KPNA4: variants seen among roughly 807,000 people sequenced by gnomAD.
KPNA4 encodes the protein importin subunit alpha-3.
A neutral mutation model predicts 71.3 loss-of-function variants in KPNA4; 13 were observed. That is an observed-to-expected ratio of 0.18 (90% CI 0.12 to 0.29). The LOEUF (loss-of-function observed/expected upper bound fraction) is 0.29. Among genes scored for constraint, KPNA4 ranks in the 10% least tolerant of loss-of-function variants. The pLI is 1.00. For missense variants in KPNA4, 334 were observed against 603.2 expected (o/e 0.55, Z 4.67); for synonymous variants, 189 against 195.2 (o/e 0.97, Z 0.26).
chr3:160,531,430 AT>A, intron 6 of KPNA4, 31 bp downstream of exon 6: 2 of 1,186,074 alleles, frequency 1.7e-6, no homozygotes, highest in Non-Finnish European at 2.4e-6. Context: ...TACATTCTAA[AT>A]TAAAAAAAAA....
intron 12 of KPNA4, 35 bp downstream of exon 12, chr3:160,515,417 G>A (rs754867414): frequency 6.6e-7 from 1 of 1,523,884 alleles, no homozygotes. Flanking sequence ...AACATTTTAA[G>A]TGCTATCTAT....
At chr3:160,508,757 A>G (rs1721038300) in intron 14 of KPNA4, among the ~76,000 whole-genome samples, 1 of 151,916 alleles carries the variant, frequency 6.6e-6, no homozygotes, top group Non-Finnish European at 1.5e-5. Flanking sequence ...TGAACCCAAG[A>G]GATCCTCCTG....
chr3:160,563,429 G>A (rs754339456), intron 1 of KPNA4, among the ~76,000 whole-genome samples: 2 of 152,204 alleles, frequency 1.3e-5, no homozygotes, highest in Admixed American at 6.5e-5. Flanking sequence ...TTTTGGGGCC[G>A]TGAAAATGTT....
chr3:160,564,900 C>T (rs1722310299), intron 1 of KPNA4, among the ~76,000 whole-genome samples: 1 of 147,578 alleles, frequency 6.8e-6, no homozygotes, highest in South Asian at 2.1e-4. Flanking sequence ...CACACGCACG[C>T]CTCCTCCGCA....
intron 1 of KPNA4, among the ~76,000 whole-genome samples, chr3:160,559,072 T>C (rs917049625): frequency 6.6e-6 from 1 of 152,206 alleles, no homozygotes; most frequent in African/African-American, 2.4e-5. Context: ...AGTTGTGAAC[T>C]GACCTAGCCA....
intron 7 of KPNA4, among the ~76,000 whole-genome samples, chr3:160,529,032 G>C (rs1447044404): frequency 6.6e-6 from 1 of 152,088 alleles, no homozygotes; most frequent in South Asian, 2.1e-4. Context: ...TGGCTTAAGT[G>C]ATCCTCCTAC....
At chr3:160,510,159 GA>G (rs549693411) in intron 13 of KPNA4, among the ~76,000 whole-genome samples, 3 of 151,854 alleles carry the variant, frequency 2.0e-5, no homozygotes, top group Non-Finnish European at 4.4e-5. Flanking sequence ...AAATAGTAAA[GA>G]AAAAATTTAA....
chr3:160,514,627 A>G (rs1721165136), intron 12 of KPNA4, among the ~76,000 whole-genome samples: 1 of 152,220 alleles, frequency 6.6e-6, no homozygotes, highest in Non-Finnish European at 1.5e-5. Context: ...AAGTAGATAA[A>G]TATCAATTAT....
chr3:160,509,909 CAT>C lies in KPNA4; in HGVS notation c.1138-40_1138-39del, dbSNP rs781106182. 4.4e-6 allele frequency: 6 copies of C among 1,355,574 alleles called. No homozygotes were observed. In the African/African-American group the frequency reaches 8.7e-5, roughly 20 times the overall value. The allele number at this position is 1,355,574 out of a possible 1,614,324, so 84.0% of individuals were successfully genotyped here. A position where few individuals can be genotyped will look rare whatever the true frequency, so the allele number is the denominator to read the frequency against. Reference sequence around the variant, plus strand: ...AAAACAAAGGCTATAAAAATTGCCACATAGAGTAAACTGGAAAAAATGTTTGC... The same window carrying C: ...AAAACAAAGGCTATAAAAATTGCCACAGAGTAAACTGGAAAAAATGTTTGC... On this transcript the variant is annotated intron_variant, in intron 13 of 16. Coordinates refer to ENST00000334256, the MANE Select transcript of KPNA4 (RefSeq NM_002268.5).
At chr3:160,535,728 T>C (rs376071748) in intron 3 of KPNA4, 38 bp from the exon 4 acceptor site, 19 of 1,572,260 alleles carry the variant, frequency 1.2e-5, no homozygotes, top group Admixed American at 2.2e-5. Flanking sequence ...AGTTAAAAAG[T>C]CACCTTAAAA....
chr3:160,522,644 G>C (rs1301900970), intron 10 of KPNA4, among the ~76,000 whole-genome samples: 2 of 152,154 alleles, frequency 1.3e-5, no homozygotes, highest in East Asian at 3.9e-4. Context: ...TTTTTCAGTA[G>C]AGACGGGGTT....
At chr3:160,545,241 G>A (rs76745926) in intron 1 of KPNA4, among the ~76,000 whole-genome samples, 1,579 of 152,240 alleles carry the variant, frequency 0.01, 27 homozygotes, top group Admixed American at 0.013. Context: ...TCATTGAAAG[G>A]TAAATTACTG....
intron 1 of KPNA4, among the ~76,000 whole-genome samples, chr3:160,562,857 A>G (rs1722273511): frequency 6.6e-6 from 1 of 152,242 alleles, no homozygotes; most frequent in African/African-American, 2.4e-5. Flanking sequence ...ACACATCACA[A>G]TATTCTTCTA....
rs200571736 is a variant in KPNA4 at position 160,533,447 on chromosome 3, T to TA, written c.288-1891_288-1890insT. On this transcript the variant is annotated intron_variant, in intron 5 of 16. Coordinates refer to ENST00000334256, the MANE Select transcript of KPNA4 (RefSeq NM_002268.5). ...ACAGTGCTTAGCATTAAGTGGAAAT[T>TA]TAAAAAAAAAAAAAAAACCACTTCG... 2.7e-3 allele frequency among the ~76,000 whole-genome samples: 387 copies of TA among 141,970 alleles called. 1 individual carries two copies. The highest frequency in any genetic ancestry group is 7.0e-3 in the Middle Eastern group (2 of 286). The allele number at this position is 141,970 out of a possible 152,430, so 93.1% of individuals were successfully genotyped here.
Position 160,501,322 on chromosome 3 carries a change from T to TG in KPNA4, c.*781dup, listed in dbSNP as rs1720876097. On this transcript the variant is annotated 3_prime_UTR_variant, in exon 17 of 17. Transcript: ENST00000334256. ...AAGCAAAAAAGAAAAAAAAAAGGAT[T>TG]GGGTGGGGGGAAGGAGGTGGGAAAG... 7.5e-6 allele frequency: 1 copy of TG among 134,164 alleles called. No individual in the cohort carries two copies. Among genetic ancestry groups the TG allele is most frequent in the Non-Finnish European group, 1.6e-5 (1 of 62,128 alleles). 8.3% of individuals were successfully genotyped at this position (134,164 alleles called of 1,614,324 possible). A position where few individuals can be genotyped will look rare whatever the true frequency, so the allele number is the denominator to read the frequency against.
At chr3:160,543,753 A>G (rs1290011029) in intron 1 of KPNA4, among the ~76,000 whole-genome samples, 1 of 152,194 alleles carries the variant, frequency 6.6e-6, no homozygotes, top group African/African-American at 2.4e-5. Flanking sequence ...AAAATTATAA[A>G]CAAGAGCTAT....
chr3:160,500,902 G>A lies in KPNA4; in HGVS notation c.*1202C>T, dbSNP rs967327156. 4.6e-5 allele frequency: 7 copies of A among 152,422 alleles called. No homozygotes were observed. Among genetic ancestry groups the A allele is most frequent in the African/African-American group, 1.4e-4 (6 of 41,384 alleles). The allele number at this position is 152,422 out of a possible 1,614,324, so 9.4% of individuals were successfully genotyped here. A position where few individuals can be genotyped will look rare whatever the true frequency, so the allele number is the denominator to read the frequency against. ...AACAAGTAACATTTAAACACAGCAC[G>A]GTATTCTACCACAACTGAAACTTTT... On this transcript the variant is annotated 3_prime_UTR_variant, in exon 17 of 17. Transcript: ENST00000334256.
chr3:160,534,271 T>G (rs997568454), intron 5 of KPNA4, among the ~76,000 whole-genome samples: 8 of 152,204 alleles, frequency 5.3e-5, no homozygotes, highest in African/African-American at 1.7e-4. Flanking sequence ...CAACATAGGG[T>G]GTTATTCTTA....
Position 160,496,012 on chromosome 3 carries a change from A to G in KPNA4, c.*6092T>C, listed in dbSNP as rs527887647. The G allele has an allele frequency of 6.6e-6, 1 of 151,378 alleles. No individual in the cohort carries two copies. The highest frequency in any genetic ancestry group is 2.4e-5 in the African/African-American group (1 of 41,228). 9.4% of individuals were successfully genotyped at this position (151,378 alleles called of 1,614,324 possible). ...ACCTAAAAAGAGTAAAATGGTGGCC[A>G]GGCGGTGGCTCACGCCTGCAATCCC... On this transcript the variant is annotated 3_prime_UTR_variant, in exon 17 of 17. Transcript: ENST00000334256.
Sources: gnomAD v4.1 joint callset for allele counts (sites outside exome capture counted in the v4.1 genomes callset) on GRCh38, gnomAD v4.1.1 for gene constraint, MANE v1.5 for transcripts, NCBI Gene and HGNC (gene_info 2026-07-23, HGNC 2026-07-21) for gene names.